The following BTBD8 variants were observed in gnomAD, a reference collection of about 807,000 sequenced individuals.
The protein encoded by BTBD8 is BTB/POZ domain-containing protein 8.
In BTBD8, 110 loss-of-function variants were observed where a neutral mutation model predicts 162.9. The observed-to-expected ratio is 0.68, with a 90% CI of 0.58 to 0.79. The LOEUF is 0.79. BTBD8 is among the 30% of genes least tolerant of loss of function. The pLI is 0.00. For synonymous variants in BTBD8, 667 were observed against 716.1 expected (o/e 0.93, Z 1.10); for missense variants, 1,905 against 2,085.4 (o/e 0.91, Z 1.68).
rs958725766 is a variant in BTBD8, at chr1:92,080,621, C to G, written c.50C>G (p.Ser17Cys). The G allele has an allele frequency of 1.9e-6, 3 of 1,613,944 alleles. No homozygotes were observed. The highest frequency in any genetic ancestry group is 2.5e-6 in the Non-Finnish European group (3 of 1,179,906). ...GCGGCCCCCATGGTACTTCTGGGGTCCGCTGGAGTTTGCAGTAAGGGGTTG... is the reference window on the plus strand; with the variant it reads ...GCGGCCCCCATGGTACTTCTGGGGTGCGCTGGAGTTTGCAGTAAGGGGTTG... ...GSAAPMVLLG[S>C]AGVCSKGLQR... The change falls in exon 1 of 18, where the codon TCC becomes TGC. Residue 17 changes from serine (S) to cysteine (C), a missense_variant. Around this residue, in one of 3 missense-constraint regions of BTBD8, gnomAD observed 1,374 missense variants for 1,442.7 expected, o/e 0.95. Coordinates refer to ENST00000636805, the MANE Select transcript of BTBD8 (RefSeq NM_001376131.1).
In BTBD8 at chr1:92,166,985, A is replaced by G. The variant is rs189688789; in HGVS notation, c.1150A>G (p.Met384Val). Residue 384 changes from methionine to valine, a missense_variant, in exon 10 of 18, where the codon ATG (methionine) becomes GTG (valine). Met to Val is a conservative substitution (Grantham distance 21, BLOSUM62 1). Transcript: ENST00000636805. ...TGATAAGAATGCTGCTTTTCTTCTG[A>G]TGGAAAGTGACAGGCTAATCATCAG... ...LNDKNAAFLL[M>V]ESDRLIISLP... 1 of 1,548,500 alleles carries G rather than the reference A, an allele frequency of 6.5e-7. No individual in the cohort carries two copies. The highest frequency in any genetic ancestry group is 1.2e-5 in the South Asian group (1 of 83,706).
chr1:92,100,600 CATTATT>C (rs771639431), intron 2 of BTBD8, among the ~76,000 whole-genome samples: 2 of 150,918 alleles, frequency 1.3e-5, no homozygotes, highest in African/African-American at 4.9e-5. Flanking sequence ...ACTTTTTTGG[CATTATT>C]ATTATTATTA....
At chr1:92,131,255 A>C (rs1649508000) in intron 5 of BTBD8, among the ~76,000 whole-genome samples, 2 of 152,322 alleles carry the variant, frequency 1.3e-5, no homozygotes, top group East Asian at 3.9e-4. Flanking sequence ...AAACTCTTCA[A>C]CCTAACTGAG....
At chr1:92,161,314 C>T (rs1052797776) in intron 9 of BTBD8, among the ~76,000 whole-genome samples, 2 of 152,164 alleles carry the variant, frequency 1.3e-5, no homozygotes, top group Non-Finnish European at 1.5e-5. Flanking sequence ...CCACATGTGC[C>T]ATGGAAGGTA....
Position 92,167,973 on chromosome 1 carries a change from T to A in BTBD8, c.1431T>A (p.Ser477Arg). The A allele has an allele frequency of 6.5e-7, 1 of 1,546,238 alleles. No homozygotes were observed. Among genetic ancestry groups the A allele is most frequent in the Non-Finnish European group, 8.7e-7 (1 of 1,144,104 alleles). ...MALDTLLNSDSTKEMGFTCKI... is the reference protein window; with the variant it reads ...MALDTLLNSDRTKEMGFTCKI... Reference sequence around the variant, plus strand: ...TGGACACACTGCTGAACTCTGACAGTACAAAGGAAATGGTACTGAATGTAA... The same window carrying A: ...TGGACACACTGCTGAACTCTGACAGAACAAAGGAAATGGTACTGAATGTAA... The change falls in exon 11 of 18, where the codon AGT becomes AGA. Residue 477 changes from serine to arginine, a missense_variant. By Grantham distance (110) the Ser-to-Arg change is moderately radical. Around this residue, in one of 3 missense-constraint regions of BTBD8, gnomAD observed 1,374 missense variants for 1,442.7 expected, o/e 0.95. Coordinates refer to ENST00000636805, the MANE Select transcript of BTBD8 (RefSeq NM_001376131.1).
intron 9 of BTBD8, among the ~76,000 whole-genome samples, chr1:92,154,824 G>A (rs115109686): frequency 0.012 from 1,757 of 152,166 alleles, 37 homozygotes; most frequent in African/African-American, 0.038. Context: ...TGTCCTTTTG[G>A]TATCATATCT....
At chr1:92,099,575 G>C (rs949972350) in intron 2 of BTBD8, among the ~76,000 whole-genome samples, 6 of 152,108 alleles carry the variant, frequency 3.9e-5, no homozygotes, top group Non-Finnish European at 8.8e-5. Context: ...ACATTGTTTT[G>C]TAGCTTTCAA....
In BTBD8 at chr1:92,167,625, C is replaced by T. The variant is rs1319474619; in HGVS notation, c.1306-223C>T. ...TGTATACATATGTAACAAACCTGCA[C>T]GTTGTGCATATGCACCCTAGAACTT... On this transcript the variant is annotated intron_variant, in intron 10 of 17. Coordinates refer to ENST00000636805, the MANE Select transcript of BTBD8 (RefSeq NM_001376131.1). Among the ~76,000 whole-genome samples, 5 of 152,080 alleles carry T rather than the reference C, an allele frequency of 3.3e-5. No individual in the cohort carries two copies. In the East Asian group the frequency reaches 5.8e-4, roughly 18 times the overall value.
At chr1:92,082,760 A>G (rs1255221616) in intron 1 of BTBD8, among the ~76,000 whole-genome samples, 1 of 152,174 alleles carries the variant, frequency 6.6e-6, no homozygotes, top group Non-Finnish European at 1.5e-5. Flanking sequence ...AGCCAGCTCC[A>G]ATGTAGAACT....
At chr1:92,143,170 C>T (rs1649816989) in intron 7 of BTBD8, among the ~76,000 whole-genome samples, 2 of 152,258 alleles carry the variant, frequency 1.3e-5, no homozygotes, top group Non-Finnish European at 2.9e-5. Context: ...TGGTTGAAAG[C>T]ATTCGTTGGG....
chr1:92,082,387 T>C (rs959691935), intron 1 of BTBD8, among the ~76,000 whole-genome samples: 1 of 152,334 alleles, frequency 6.6e-6, no homozygotes, highest in African/African-American at 2.4e-5. Context: ...TAATAAACGT[T>C]AATAAAACAT....
intron 2 of BTBD8, among the ~76,000 whole-genome samples, chr1:92,097,459 A>G (rs1215480318): frequency 6.6e-6 from 1 of 152,132 alleles, no homozygotes; most frequent in Non-Finnish European, 1.5e-5. Flanking sequence ...ATATATTCAC[A>G]ATGTTGTGCC....
rs1191301944 is a variant in BTBD8, at chr1:92,184,194, T to C, written c.5243T>C (p.Ile1748Thr). 6.4e-6 allele frequency: 10 copies of C among 1,551,578 alleles called. No homozygotes were observed. The highest frequency in any genetic ancestry group is 5.9e-5 in the South Asian group (5 of 84,060). ...DSSKPQGITH[I>T]DTLNRWSELT... Reference sequence around the variant, plus strand: ...TCAAAACCTCAGGGTATAACACATATTGACACTTTGAACAGATGGAGTGAA... The same window carrying C: ...TCAAAACCTCAGGGTATAACACATACTGACACTTTGAACAGATGGAGTGAA... The change falls in exon 18 of 18, where the codon ATT (isoleucine) becomes ACT (threonine). Residue 1748 changes from isoleucine to threonine, a missense_variant. Transcript: ENST00000636805.
At chr1:92,150,458 C>G (rs925499131) in intron 9 of BTBD8, 1 of 152,218 alleles carries the variant, frequency 6.6e-6, no homozygotes. Flanking sequence ...AGTTCCAAAG[C>G]AATCACAAAT....
intron 4 of BTBD8, among the ~76,000 whole-genome samples, chr1:92,124,241 C>T (rs562610474): frequency 1.3e-5 from 2 of 152,308 alleles, no homozygotes; most frequent in Admixed American, 6.5e-5. Flanking sequence ...TGTTCTGATG[C>T]CTTGAAAGCA....
chr1:92,150,502 C>T (rs1362168506), intron 9 of BTBD8: 1 of 152,164 alleles, frequency 6.6e-6, no homozygotes, highest in Non-Finnish European at 1.5e-5. Flanking sequence ...TATACTGCAT[C>T]GCTTATTGTC....
intron 13 of BTBD8, 100 bp from the exon 14 acceptor site, chr1:92,176,729 T>C: frequency 1.7e-6 from 1 of 602,560 alleles, no homozygotes; most frequent in Non-Finnish European, 2.7e-6. Context: ...ATATGAACTT[T>C]TCTATTTTTT....
At chr1:92,171,796 AAAG>A (rs1557464200) in intron 13 of BTBD8, among the ~76,000 whole-genome samples, 2 of 152,364 alleles carry the variant, frequency 1.3e-5, no homozygotes, top group Admixed American at 1.3e-4. Context: ...ACTTCTTAAA[AAAG>A]AAGATTTTAG....
At chr1:92,081,807 C>T (rs1648024120) in intron 1 of BTBD8, among the ~76,000 whole-genome samples, 1 of 152,198 alleles carries the variant, frequency 6.6e-6, no homozygotes. Flanking sequence ...CTCGTGACCA[C>T]AAGTGATCCG....
Sources: allele counts gnomAD v4.1 joint callset (sites outside exome capture counted in the v4.1 genomes callset), GRCh38; gene constraint gnomAD v4.1.1; regional missense constraint gnomAD v4.1.1; transcripts MANE v1.5; gene names NCBI Gene and HGNC (gene_info 2026-07-23, HGNC 2026-07-21).